The following PTPRD variants were observed in gnomAD, a reference collection of about 807,000 sequenced individuals.
PTPRD encodes protein tyrosine phosphatase receptor type D.
PTPRD carries 34 observed loss-of-function variants against 214.5 expected under a neutral mutation model. The ratio of observed to expected loss-of-function variants is 0.16; its 90% CI spans 0.12 to 0.21. The LOEUF (loss-of-function observed/expected upper bound fraction) is 0.21, where lower values mean the gene tolerates loss of function less well. Among genes scored for constraint, PTPRD ranks in the 10% least tolerant of loss-of-function variants. PTPRD has a pLI of 1.00. For missense variants in PTPRD, 2,545 were observed against 2,398.7 expected (o/e 1.06, Z -1.27); for synonymous variants, 1,128 against 845.7 (o/e 1.33, Z -5.79).
At chr9:8,876,230 T>C (rs1225986401) in intron 11 of PTPRD, among the ~76,000 whole-genome samples, 2 of 151,976 alleles carry the variant, frequency 1.3e-5, no homozygotes, top group Non-Finnish European at 2.9e-5. Context: ...GTGTGTGTTG[T>C]TGTTGTTGTT....
intron 5 of PTPRD, among the ~76,000 whole-genome samples, chr9:9,815,751 A>G (rs991034822): frequency 6.6e-6 from 1 of 152,142 alleles, no homozygotes; most frequent in African/African-American, 2.4e-5. Context: ...GGAAGGAGGT[A>G]GGGGATGGGG....
At chr9:10,056,897 T>C (rs1011563756) in intron 3 of PTPRD, among the ~76,000 whole-genome samples, 1 of 152,182 alleles carries the variant, frequency 6.6e-6, no homozygotes, top group Non-Finnish European at 1.5e-5. Context: ...TTATAAATTG[T>C]TCAACCTTGA....
intron 9 of PTPRD, among the ~76,000 whole-genome samples, chr9:9,329,646 G>T (rs1202404993): frequency 6.6e-6 from 1 of 152,172 alleles, no homozygotes; most frequent in East Asian, 1.9e-4. Flanking sequence ...GAGGGAGCTA[G>T]AGAGAATATA....
At chr9:8,648,552 C>T (rs545139769) in intron 12 of PTPRD, among the ~76,000 whole-genome samples, 3 of 152,360 alleles carry the variant, frequency 2.0e-5, no homozygotes, top group African/African-American at 7.2e-5. Context: ...ATTCACTTAA[C>T]ATCTTCCACA....
intron 4 of PTPRD, among the ~76,000 whole-genome samples, chr9:9,981,819 T>C (rs2095553456): frequency 6.6e-6 from 1 of 152,188 alleles, no homozygotes; most frequent in Admixed American, 6.5e-5. Flanking sequence ...ACAACTATCA[T>C]CTAAAATCAT....
intron 8 of PTPRD, among the ~76,000 whole-genome samples, chr9:9,523,816 A>C (rs970009707): frequency 2.0e-5 from 3 of 152,100 alleles, no homozygotes; most frequent in South Asian, 2.1e-4. Flanking sequence ...TCAAATCTTC[A>C]TATTTCTCAG....
At chr9:10,074,450 T>C (rs1373431494) in intron 3 of PTPRD, among the ~76,000 whole-genome samples, 2 of 152,114 alleles carry the variant, frequency 1.3e-5, no homozygotes, top group Admixed American at 1.3e-4. Flanking sequence ...TCAGTTTGGA[T>C]CTCTGGAACT....
At chr9:9,146,799 C>G (rs951970894) in intron 10 of PTPRD, among the ~76,000 whole-genome samples, 4 of 151,798 alleles carry the variant, frequency 2.6e-5, no homozygotes, top group African/African-American at 9.7e-5. Context: ...TAAAAATGAC[C>G]CTCAGACATA....
chr9:9,621,326 G>T (rs533136254), intron 7 of PTPRD, among the ~76,000 whole-genome samples: 1 of 152,106 alleles, frequency 6.6e-6, no homozygotes, highest in East Asian at 1.9e-4. Context: ...CTTCCTGAAG[G>T]GTGCTGCTTG....
chr9:9,927,649 C>G lies in PTPRD; in HGVS notation c.-368+10858G>C, dbSNP rs370343620. Among the ~76,000 whole-genome samples, 10 of 152,230 alleles carry G rather than the reference C, an allele frequency of 6.6e-5. No individual in the cohort carries two copies. In the East Asian group the frequency reaches 1.9e-3, roughly 29 times the overall value. On this transcript the variant is annotated intron_variant, in intron 5 of 45. Coordinates refer to ENST00000381196, the MANE Select transcript of PTPRD (RefSeq NM_002839.4). ...ACATACTATTTAGTATCTAAATACACCGTGCATCTCCTATGATGGATAAAT... is the reference window on the plus strand; with the variant it reads ...ACATACTATTTAGTATCTAAATACAGCGTGCATCTCCTATGATGGATAAAT...
rs188395622 is a variant in PTPRD, at chr9:10,040,424, C to A, written c.-544-6634G>T. Among the ~76,000 whole-genome samples the A allele has an allele frequency of 3.4e-3, 515 of 152,118 alleles. 6 individuals are homozygous for A. The highest frequency in any genetic ancestry group is 0.012 in the African/African-American group (494 of 41,542). Reference sequence around the variant, plus strand: ...CTGCCCAAACTACATACTGAGAATTCCAATTATACAGGCAGCCAAATTACT... The same window carrying A: ...CTGCCCAAACTACATACTGAGAATTACAATTATACAGGCAGCCAAATTACT... On this transcript the variant is annotated intron_variant, in intron 3 of 45. Coordinates refer to ENST00000381196, the MANE Select transcript of PTPRD (RefSeq NM_002839.4).
chr9:10,278,033 G>A (rs991666986), intron 3 of PTPRD, among the ~76,000 whole-genome samples: 2 of 151,996 alleles, frequency 1.3e-5, no homozygotes, highest in South Asian at 2.1e-4. Context: ...GGTGGCGGAC[G>A]CCTGTAGTCC....
At chr9:9,766,467 T>A (rs1025888846) in intron 6 of PTPRD, among the ~76,000 whole-genome samples, 4 of 152,224 alleles carry the variant, frequency 2.6e-5, no homozygotes, top group Non-Finnish European at 5.9e-5. Context: ...AATTTACATA[T>A]GTCCTATTTC....
intron 2 of PTPRD, among the ~76,000 whole-genome samples, chr9:10,454,173 G>A (rs1029457121): frequency 4.0e-5 from 6 of 151,342 alleles, no homozygotes; most frequent in African/African-American, 1.2e-4. Flanking sequence ...AACAGAATCT[G>A]GATACCCAGA....
At chr9:8,496,171 A>AACAC (rs566859758) in intron 26 of PTPRD, among the ~76,000 whole-genome samples, 6,064 of 134,976 alleles carry the variant, frequency 0.045, 143 homozygotes, top group Non-Finnish European at 0.058. Context: ...CCAACTCTCC[A>AACAC]ACACACACAC....
At chr9:9,147,235 C>T (rs1054652431) in intron 10 of PTPRD, among the ~76,000 whole-genome samples, 4 of 150,974 alleles carry the variant, frequency 2.6e-5, no homozygotes, top group Admixed American at 6.6e-5. Flanking sequence ...TAATCCAATC[C>T]ATTAATTGGC....
At chr9:9,851,431 A>G (rs2153665708) in intron 5 of PTPRD, among the ~76,000 whole-genome samples, 1 of 152,336 alleles carries the variant, frequency 6.6e-6, no homozygotes, top group South Asian at 2.1e-4. Context: ...CATTATAAAG[A>G]TTTAAATATT....
chr9:9,438,401 A>ATTATAGAATATT (rs2086182525), intron 8 of PTPRD, among the ~76,000 whole-genome samples: 1 of 152,216 alleles, frequency 6.6e-6, no homozygotes, highest in South Asian at 2.1e-4. Flanking sequence ...TCATACTGTT[A>ATTATAGAATATT]TTATAGAATA....
At chr9:9,500,899 C>T (rs906665383) in intron 8 of PTPRD, among the ~76,000 whole-genome samples, 1 of 151,944 alleles carries the variant, frequency 6.6e-6, no homozygotes, top group South Asian at 2.1e-4. Context: ...TTTTATACTA[C>T]TCTATTTTAT....
Sources: gnomAD v4.1 joint callset for allele counts (sites outside exome capture counted in the v4.1 genomes callset) on GRCh38, gnomAD v4.1.1 for gene constraint, MANE v1.5 for transcripts, NCBI Gene and HGNC (gene_info 2026-07-23, HGNC 2026-07-21) for gene names.